The following ZNF92 variants were observed in gnomAD, a reference collection of about 807,000 sequenced individuals.
The protein encoded by ZNF92 is epididymis luminal protein 203.
In ZNF92, 11 loss-of-function variants were observed where a neutral mutation model predicts 12.4. The observed-to-expected ratio is 0.89, with a 90% CI of 0.56 to 1.47. The LOEUF is 1.47. ZNF92 is among the 40% of genes most tolerant of loss of function. The pLI is 0.00. For missense variants in ZNF92, 622 were observed against 681.0 expected (o/e 0.91, Z 0.96); for synonymous variants, 206 against 228.6 (o/e 0.90, Z 0.89).
intron 1 of ZNF92, among the ~76,000 whole-genome samples, chr7:65,376,903 A>C (rs1793257929): frequency 6.6e-6 from 1 of 152,188 alleles, no homozygotes; most frequent in Non-Finnish European, 1.5e-5. Flanking sequence ...TTGGTGAGTT[A>C]CATAGATTCA....
Position 65,399,162 on chromosome 7 carries a change from T to G in ZNF92, c.1048T>G (p.Phe350Val). The G allele has an allele frequency of 6.2e-7, 1 of 1,613,358 alleles. No homozygotes were observed. The highest frequency in any genetic ancestry group is 8.5e-7 in the Non-Finnish European group (1 of 1,179,764). Residue 350 changes from phenylalanine to valine, a missense_variant, in exon 4 of 4, where the codon TTT (phenylalanine) becomes GTT (valine). Coordinates refer to ENST00000328747, the MANE Select transcript of ZNF92 (RefSeq NM_152626.4). ...CAAATGTGAAGAATGTGGCAAAGCCTTTAACCAGTTCTCAAACCTTACTAA... is the reference window on the plus strand; with the variant it reads ...CAAATGTGAAGAATGTGGCAAAGCCGTTAACCAGTTCTCAAACCTTACTAA... ...PYKCEECGKAFNQFSNLTKHK... is the reference protein window; with the variant it reads ...PYKCEECGKAVNQFSNLTKHK...
chr7:65,383,625 G>A (rs998357487), intron 1 of ZNF92, among the ~76,000 whole-genome samples: 4 of 151,928 alleles, frequency 2.6e-5, no homozygotes, highest in African/African-American at 4.8e-5. Context: ...AAGCATCTTA[G>A]GAGTGAGAGA....
rs2116416394 is a variant in ZNF92, at chr7:65,399,499, T to G, written c.1385T>G (p.Phe462Cys). The change falls in exon 4 of 4, where the codon TTT becomes TGT. Residue 462 changes from phenylalanine to cysteine, a missense_variant. Transcript: ENST00000328747. ...PYKCEECGKA[F>C]SVFSTLTKHK... Reference sequence around the variant, plus strand: ...AAATGTGAAGAATGTGGCAAAGCCTTTAGTGTATTCTCAACCCTTACTAAA... The same window carrying G: ...AAATGTGAAGAATGTGGCAAAGCCTGTAGTGTATTCTCAACCCTTACTAAA... 6.2e-7 allele frequency: 1 copy of G among 1,613,442 alleles called. No homozygotes were observed. The highest frequency in any genetic ancestry group is 8.5e-7 in the Non-Finnish European group (1 of 1,179,706).
At chr7:65,374,039 G>T (rs759242589) in intron 1 of ZNF92, 39 bp downstream of exon 1, 27 of 1,613,846 alleles carry the variant, frequency 1.7e-5, no homozygotes, top group Non-Finnish European at 2.1e-5. Flanking sequence ...AGAGGGGGAG[G>T]GTCTGGCTGG....
intron 3 of ZNF92, among the ~76,000 whole-genome samples, chr7:65,391,636 A>T (rs1584286220): frequency 6.6e-6 from 1 of 151,982 alleles, no homozygotes; most frequent in East Asian, 1.9e-4. Flanking sequence ...CAAAATAAAA[A>T]TTTTTTCTTT....
At chr7:65,387,848 C>A in intron 1 of ZNF92, 54 bp from the exon 2 acceptor site, 1 of 1,501,202 alleles carries the variant, frequency 6.7e-7, no homozygotes. Context: ...AAAATTCTGC[C>A]CATGGCCACT....
rs1474072575 is a variant in ZNF92, at chr7:65,399,676, C to A, written c.1562C>A (p.Ser521Tyr). ...CEKCGNAFNQ[S>Y]SNLTARKIIY... ...AAATGTGGCAATGCTTTTAACCAGT[C>A]CTCAAACCTTACTGCACGTAAGATA... Residue 521 changes from serine (S) to tyrosine (Y), a missense_variant, in exon 4 of 4, where the codon TCC (serine) becomes TAC (tyrosine). Coordinates refer to ENST00000328747, the MANE Select transcript of ZNF92 (RefSeq NM_152626.4). 4 of 1,613,564 alleles carry A rather than the reference C, an allele frequency of 2.5e-6. No homozygotes were observed. The highest frequency in any genetic ancestry group is 3.4e-6 in the Non-Finnish European group (4 of 1,179,736).
intron 1 of ZNF92, among the ~76,000 whole-genome samples, chr7:65,377,818 G>A (rs1023363648): frequency 2.0e-5 from 3 of 152,082 alleles, no homozygotes; most frequent in Non-Finnish European, 4.4e-5. Context: ...ACCCACCTCG[G>A]CCTCCCAAAG....
At chr7:65,386,187 T>G (rs1418550305) in intron 1 of ZNF92, among the ~76,000 whole-genome samples, 1 of 151,868 alleles carries the variant, frequency 6.6e-6, no homozygotes. Flanking sequence ...GCCCGGCTAA[T>G]TTTTGTATTT....
intron 3 of ZNF92, among the ~76,000 whole-genome samples, chr7:65,392,124 A>G (rs1303841179): frequency 6.6e-6 from 1 of 152,082 alleles, no homozygotes; most frequent in Non-Finnish European, 1.5e-5. Context: ...CCATATGTCC[A>G]TCATAGTCTG....
chr7:65,380,957 T>C lies in ZNF92; in HGVS notation c.4-6945T>C, dbSNP rs77701816. Among the ~76,000 whole-genome samples, 1,469 of 152,214 alleles carry C rather than the reference T, an allele frequency of 9.7e-3. 32 individuals carry two copies. Among genetic ancestry groups the C allele is most frequent in the African/African-American group, 0.033 (1,365 of 41,524 alleles). On this transcript the variant is annotated intron_variant, in intron 1 of 3. Coordinates refer to ENST00000328747, the MANE Select transcript of ZNF92 (RefSeq NM_152626.4). Reference sequence around the variant, plus strand: ...TGTTTGTTTGTTTGCATCTCTCTAATGATTAGTGATGAGCACTTTTTTAAT... The same window carrying C: ...TGTTTGTTTGTTTGCATCTCTCTAACGATTAGTGATGAGCACTTTTTTAAT...
Position 65,399,606 on chromosome 7 carries a change from AAACAT to A in ZNF92, c.1495_1499del (p.His499AspfsTer5), listed in dbSNP as rs747403829. 9 of 1,613,780 alleles carry A rather than the reference AAACAT, an allele frequency of 5.6e-6. No individual in the cohort carries two copies. The African/African-American group carries it at 8.0e-5, about 14-fold the overall frequency. On this transcript the variant is annotated frameshift_variant, in exon 4 of 4. Transcript: ENST00000328747. LOFTEE classifies it low-confidence loss of function (END_TRUNC). ...CTTTAACCAGTCCTCAATTTTTACT[AAACAT>A]AAGATAATTCACACTGAAGGGAAAT...
intron 3 of ZNF92, among the ~76,000 whole-genome samples, chr7:65,396,927 A>G (rs1231323896): frequency 2.0e-5 from 3 of 151,842 alleles, no homozygotes; most frequent in Non-Finnish European, 4.4e-5. Context: ...TAACCAAGTT[A>G]TTGGTTAGGA....
chr7:65,375,636 C>T lies in ZNF92; in HGVS notation c.3+1636C>T, dbSNP rs145834698. Reference sequence around the variant, plus strand: ...TTCCAAAAGATACAACAAAACCTGACCTGGAGATCGAGACCATCCTGGCCA... The same window carrying T: ...TTCCAAAAGATACAACAAAACCTGATCTGGAGATCGAGACCATCCTGGCCA... On this transcript the variant is annotated intron_variant, in intron 1 of 3. Transcript: ENST00000328747. Among the ~76,000 whole-genome samples, 109 of 151,880 alleles carry T rather than the reference C, an allele frequency of 7.2e-4. 2 individuals are homozygous for T. The highest frequency in any genetic ancestry group is 2.5e-3 in the African/African-American group (103 of 41,426).
chr7:65,398,960 G>C lies in ZNF92; in HGVS notation c.846G>C (p.Glu282Asp), dbSNP rs376614902. The C allele has an allele frequency of 7.3e-5, 118 of 1,612,160 alleles. No individual in the cohort carries two copies. The highest frequency in any genetic ancestry group is 9.7e-5 in the Non-Finnish European group (114 of 1,179,512). The stretch of plus-strand genomic sequence containing the variant: ...AACATAAAAGAATTCATACAGAAGA[G>C]AAACCCTACAAATGTGAAGAATGTG... ...LTKHKRIHTE[E>D]KPYKCEECGK... The change falls in exon 4 of 4, where the codon GAG becomes GAC. Residue 282 changes from glutamate (E) to aspartate (D), a missense_variant. By Grantham distance (45) the Glu-to-Asp change is conservative (BLOSUM62 2). Transcript: ENST00000328747.
At chr7:65,394,324 G>A (rs534349790) in intron 3 of ZNF92, among the ~76,000 whole-genome samples, 1 of 151,026 alleles carries the variant, frequency 6.6e-6, no homozygotes, top group Admixed American at 6.6e-5. Context: ...CCTCTATTGT[G>A]TGCTCATGGC....
rs1377375250 is a variant in ZNF92, at chr7:65,398,644, A to C, written c.530A>C (p.Asn177Thr). 1 of 1,612,140 alleles carries C rather than the reference A, an allele frequency of 6.2e-7. No individual in the cohort carries two copies. Among genetic ancestry groups the C allele is most frequent in the Non-Finnish European group, 8.5e-7 (1 of 1,179,412 alleles). Reference sequence around the variant, plus strand: ...GGAAAGAAACCTTTCAAATGTAAAAACCGTGGCAAATCATTTTGCATGCTT... The same window carrying C: ...GGAAAGAAACCTTTCAAATGTAAAACCCGTGGCAAATCATTTTGCATGCTT... ...HTGKKPFKCKNRGKSFCMLSQ... is the reference protein window; with the variant it reads ...HTGKKPFKCKTRGKSFCMLSQ... Residue 177 changes from asparagine to threonine, a missense_variant, in exon 4 of 4, where the codon AAC becomes ACC. Asn to Thr is a moderately conservative substitution (Grantham distance 65). Coordinates refer to ENST00000328747, the MANE Select transcript of ZNF92 (RefSeq NM_152626.4).
intron 3 of ZNF92, among the ~76,000 whole-genome samples, chr7:65,390,425 A>C (rs1793681805): frequency 6.6e-6 from 1 of 152,194 alleles, no homozygotes; most frequent in Non-Finnish European, 1.5e-5. Flanking sequence ...TTTAGAAGGT[A>C]AAGATCTTTT....
intron 3 of ZNF92, among the ~76,000 whole-genome samples, chr7:65,389,486 C>T (rs550139214): frequency 2.6e-5 from 4 of 152,126 alleles, no homozygotes; most frequent in African/African-American, 9.6e-5. Context: ...ACACAAATAG[C>T]TGCATAATTT....
Sources: allele counts gnomAD v4.1 joint callset (sites outside exome capture counted in the v4.1 genomes callset), GRCh38; gene constraint gnomAD v4.1.1; transcripts MANE v1.5; gene names NCBI Gene and HGNC (gene_info 2026-07-23, HGNC 2026-07-21).